Variants in SEMA6D observed in about 807,000 individuals in gnomAD.
SEMA6D encodes semaphorin-6D.
In SEMA6D, 35 loss-of-function variants were observed where a neutral mutation model predicts 106.6. The observed-to-expected ratio is 0.33, with a 90% CI of 0.25 to 0.44. SEMA6D has a LOEUF of 0.44. SEMA6D is among the 20% of genes least tolerant of loss of function. The pLI, the probability that SEMA6D is intolerant of heterozygous loss-of-function variation, is 1.00. For missense variants in SEMA6D, 1,185 were observed against 1,345.9 expected (o/e 0.88, Z 1.87); for synonymous variants, 499 against 487.7 (o/e 1.02, Z -0.31).
At chr15:47,544,787 A>T (rs1399857426) in intron 3 of SEMA6D, among the ~76,000 whole-genome samples, 3 of 148,392 alleles carry the variant, frequency 2.0e-5, no homozygotes, top group Admixed American at 6.8e-5. Flanking sequence ...AGAGAGGGAA[A>T]AGTAGGGGTG....
chr15:47,248,540 G>A (rs1357739788), intron 1 of SEMA6D, among the ~76,000 whole-genome samples: 1 of 152,190 alleles, frequency 6.6e-6, no homozygotes, highest in Non-Finnish European at 1.5e-5. Context: ...GTTAAATTAT[G>A]TTTGCTATGA....
upstream of SEMA6D, among the ~76,000 whole-genome samples, chr15:47,712,977 T>C (rs902043025): frequency 2.6e-5 from 4 of 152,196 alleles, no homozygotes; most frequent in Admixed American, 1.3e-4. Context: ...TGTTCAAATA[T>C]CTTTGATAAA....
At chr15:47,721,434 T>C (rs775734954) in intron 1 of SEMA6D, among the ~76,000 whole-genome samples, 1 of 152,220 alleles carries the variant, frequency 6.6e-6, no homozygotes, top group Non-Finnish European at 1.5e-5. Flanking sequence ...AGCTAGTGTC[T>C]TGGGTTGCCG....
chr15:47,763,433 C>G (rs1261504277), intron 9 of SEMA6D, among the ~76,000 whole-genome samples: 1 of 152,060 alleles, frequency 6.6e-6, no homozygotes, highest in Non-Finnish European at 1.5e-5. Context: ...TTCTCAGCGT[C>G]AAAAGACAGG....
chr15:47,298,045 A>T (rs1201578903), intron 1 of SEMA6D, among the ~76,000 whole-genome samples: 1 of 152,094 alleles, frequency 6.6e-6, no homozygotes, highest in African/African-American at 2.4e-5. Context: ...TCTAAAGTGT[A>T]ACGTAAGTAA....
rs1424944556 is a variant in SEMA6D at position 47,207,993 on chromosome 15, G to GCGCA, written c.-239+23576_-239+23577insGCAC. Among the ~76,000 whole-genome samples the GCGCA allele has an allele frequency of 4.6e-3, 408 of 89,394 alleles. 2 individuals carry two copies. Among genetic ancestry groups the GCGCA allele is most frequent in the East Asian group, 0.016 (28 of 1,774 alleles). 58.6% of individuals were successfully genotyped at this position (89,394 alleles called of 152,430 possible). On this transcript the variant is annotated intron_variant, in intron 1 of 19. Coordinates refer to the SEMA6D transcript ENST00000558014. ...AGGTACAGTAGCCACTGGCGCGCGC[G>GCGCA]CACACACACACACACACACACACAC...
intron 3 of SEMA6D, among the ~76,000 whole-genome samples, chr15:47,490,597 A>G (rs1425289867): frequency 6.6e-6 from 1 of 152,190 alleles, no homozygotes; most frequent in African/African-American, 2.4e-5. Flanking sequence ...GTGAGCCTAG[A>G]TTGCGCCACT....
chr15:47,277,580 ATATTAT>A (rs747605039), intron 1 of SEMA6D, among the ~76,000 whole-genome samples: 1 of 107,362 alleles, frequency 9.3e-6, no homozygotes, highest in African/African-American at 2.8e-5. Context: ...TAAGGTATGT[ATATTAT>A]TATTATTATT....
chr15:47,685,766 A>G (rs1352373749), intron 4 of SEMA6D, among the ~76,000 whole-genome samples: 3 of 152,190 alleles, frequency 2.0e-5, no homozygotes, highest in Non-Finnish European at 4.4e-5. Flanking sequence ...CCGGGTATCT[A>G]GAGCTAACCA....
chr15:47,503,668 G>C (rs1015497032), intron 3 of SEMA6D, among the ~76,000 whole-genome samples: 1 of 146,294 alleles, frequency 6.8e-6, no homozygotes, highest in South Asian at 2.2e-4. Context: ...TGCACATGCA[G>C]GGGTGCTCTC....
chr15:47,226,649 T>C (rs1239521858), intron 1 of SEMA6D, among the ~76,000 whole-genome samples: 5 of 152,090 alleles, frequency 3.3e-5, no homozygotes, highest in Non-Finnish European at 7.4e-5. Context: ...GATTGGAAGG[T>C]ACCAATCACT....
intron 1 of SEMA6D, among the ~76,000 whole-genome samples, chr15:47,412,040 A>G (rs1409443182): frequency 6.6e-6 from 1 of 152,108 alleles, no homozygotes; most frequent in Non-Finnish European, 1.5e-5. Flanking sequence ...CACATACTTC[A>G]TTAAAATTGG....
At chr15:47,625,667 G>A (rs1451005392) in intron 4 of SEMA6D, among the ~76,000 whole-genome samples, 1 of 151,794 alleles carries the variant, frequency 6.6e-6, no homozygotes, top group East Asian at 1.9e-4. Flanking sequence ...CCCAGCCTGG[G>A]TGACAGAGCC....
chr15:47,242,089 T>C (rs762519013), intron 1 of SEMA6D, among the ~76,000 whole-genome samples: 3 of 152,156 alleles, frequency 2.0e-5, no homozygotes, highest in Admixed American at 6.6e-5. Flanking sequence ...AACCCACCTT[T>C]AACATGGAAT....
chr15:47,651,048 C>T (rs1596534778), intron 4 of SEMA6D, among the ~76,000 whole-genome samples: 1 of 152,104 alleles, frequency 6.6e-6, no homozygotes, highest in East Asian at 1.9e-4. Flanking sequence ...AGAGCTTTAC[C>T]TTAATGACAT....
intron 1 of SEMA6D, among the ~76,000 whole-genome samples, chr15:47,194,885 T>A (rs935681503): frequency 1.3e-5 from 2 of 152,194 alleles, no homozygotes; most frequent in African/African-American, 2.4e-5. Context: ...TTGTGTTGAA[T>A]GATGTTCTCT....
intron 1 of SEMA6D, among the ~76,000 whole-genome samples, chr15:47,326,609 T>G (rs1158992607): frequency 1.3e-5 from 2 of 152,230 alleles, no homozygotes; most frequent in Non-Finnish European, 2.9e-5. Flanking sequence ...GTGCGAACCT[T>G]GAAAATAGCT....
In SEMA6D at chr15:47,385,065, T is replaced by TTTTTTTTTTTA. The variant is rs35758807; in HGVS notation, c.-238-27328_-238-27327insTTTTTTTTTTA. Among the ~76,000 whole-genome samples, 461 of 137,172 alleles carry TTTTTTTTTTTA rather than the reference T, an allele frequency of 3.4e-3. 12 individuals carry two copies. Among genetic ancestry groups the TTTTTTTTTTTA allele is most frequent in the African/African-American group, 0.011 (403 of 36,200 alleles). 90.0% of individuals were successfully genotyped at this position (137,172 alleles called of 152,430 possible). ...CTGTAATTTTTTTTTTTTTTTTTTTTACCATAGAACTCATAAGGCAGCGTT... is the reference window on the plus strand; with the variant it reads ...CTGTAATTTTTTTTTTTTTTTTTTTTTTTTTTTTTTAACCATAGAACTCATAAGGCAGCGTT... On this transcript the variant is annotated intron_variant, in intron 1 of 19. Transcript: ENST00000558014.
At chr15:47,763,239 G>A in intron 9 of SEMA6D, 135 bp downstream of exon 9, 2 of 572,422 alleles carry the variant, frequency 3.5e-6, no homozygotes, top group East Asian at 3.1e-5. Context: ...CTGCAGAGAG[G>A]TGGGTTGCTT....
Sources: gnomAD v4.1 joint callset for allele counts (sites outside exome capture counted in the v4.1 genomes callset) on GRCh38, gnomAD v4.1.1 for gene constraint, MANE v1.5 for transcripts, NCBI Gene and HGNC (gene_info 2026-07-23, HGNC 2026-07-21) for gene names.